EPRS1: variants seen among roughly 807,000 people sequenced by gnomAD.
The protein encoded by EPRS1 is bifunctional glutamate/proline--tRNA ligase.
A neutral mutation model predicts 188.3 loss-of-function variants in EPRS1; 107 were observed. That is an observed-to-expected ratio of 0.57 (90% CI 0.49 to 0.67). EPRS1 has a LOEUF of 0.67. Ranked by LOEUF, EPRS1 falls within the 30% of genes least tolerant of loss-of-function variation. The pLI is 0.00. For missense variants in EPRS1, 1,577 were observed against 1,802.2 expected, an observed-to-expected ratio of 0.88 and a Z score of 2.26; for synonymous variants, 596 against 593.1, an observed-to-expected ratio of 1.00 and a Z score of -0.07.
intron 8 of EPRS1, among the ~76,000 whole-genome samples, chr1:220,022,859 C>A (rs1277846040): frequency 6.6e-6 from 1 of 152,238 alleles, no homozygotes; most frequent in South Asian, 2.1e-4. Context: ...AACGGGCCAG[C>A]CCCTTCTCTT....
intron 18 of EPRS1, among the ~76,000 whole-genome samples, chr1:219,990,683 AG>A (rs1661102645): frequency 1.3e-5 from 2 of 152,208 alleles, no homozygotes; most frequent in Admixed American, 1.3e-4. Context: ...GTAACATGCT[AG>A]GAAAACTGCT....
intron 18 of EPRS1, 57 bp downstream of exon 18, chr1:219,996,926 A>G: frequency 6.7e-7 from 1 of 1,499,214 alleles, no homozygotes; most frequent in Non-Finnish European, 8.9e-7. Context: ...AGACTACTCT[A>G]AGCAGTTTGA....
chr1:219,972,649 G>A lies in EPRS1; in HGVS notation c.4245-502C>T, dbSNP rs556833508. 5.3e-5 allele frequency among the ~76,000 whole-genome samples: 8 copies of A among 152,206 alleles called. No individual in the cohort carries two copies. The East Asian group carries it at 1.4e-3, about 26-fold the overall frequency. ...CCAGGTAGGCAGAGAAAGAAAACAGGGTGCCACGCTAAGCCACTAATCTTC... is the reference window on the plus strand; with the variant it reads ...CCAGGTAGGCAGAGAAAGAAAACAGAGTGCCACGCTAAGCCACTAATCTTC... On this transcript the variant is annotated intron_variant, in intron 29 of 31. Coordinates refer to ENST00000366923, the MANE Select transcript of EPRS1 (RefSeq NM_004446.3).
chr1:219,998,336 G>C (rs965449066), intron 17 of EPRS1, among the ~76,000 whole-genome samples: 14 of 151,812 alleles, frequency 9.2e-5, no homozygotes, highest in African/African-American at 3.4e-4. Context: ...TTTTACACAG[G>C]CGTTAGGCTC....
chr1:219,990,445 G>C (rs80288496), intron 18 of EPRS1, among the ~76,000 whole-genome samples: 2,863 of 152,220 alleles, frequency 0.019, 77 homozygotes, highest in African/African-American at 0.058. Context: ...TATTTAGTCT[G>C]TGCCAGACAC....
At chr1:220,026,254 C>T (rs183219912) in intron 6 of EPRS1, among the ~76,000 whole-genome samples, 1 of 152,308 alleles carries the variant, frequency 6.6e-6, no homozygotes, top group East Asian at 1.9e-4. Context: ...CTCAATGAAT[C>T]AGAATCTACA....
intron 26 of EPRS1, 37 bp downstream of exon 26, chr1:219,980,048 T>C: frequency 6.3e-7 from 1 of 1,592,938 alleles, no homozygotes; most frequent in African/African-American, 1.3e-5. Context: ...GGACTGTGCT[T>C]ACAGTGACCT....
chr1:220,019,959 T>C, intron 10 of EPRS1, 29 bp downstream of exon 10: 1 of 1,474,568 alleles, frequency 6.8e-7, no homozygotes, highest in South Asian at 1.1e-5. Context: ...TCCTTACTTC[T>C]TGTCAATTCT....
At chr1:220,023,680 A>G (rs1042930273) in intron 8 of EPRS1, among the ~76,000 whole-genome samples, 5 of 152,262 alleles carry the variant, frequency 3.3e-5, no homozygotes, top group Non-Finnish European at 4.4e-5. Context: ...AAACTGTAAA[A>G]TGTTGCAGAA....
intron 18 of EPRS1, among the ~76,000 whole-genome samples, chr1:219,993,228 C>CAA (rs112928567): frequency 2.9e-5 from 4 of 139,882 alleles, no homozygotes; most frequent in African/African-American, 1.1e-4. Flanking sequence ...GACCCTGTCT[C>CAA]AAAAAAAAAA....
intron 1 of EPRS1, among the ~76,000 whole-genome samples, chr1:220,041,826 G>A (rs1662300545): frequency 6.6e-6 from 1 of 151,590 alleles, no homozygotes; most frequent in Admixed American, 6.6e-5. Context: ...GGCAACAAGA[G>A]TGAAATTCTG....
chr1:219,969,384 T>G (rs1571824696), intron 30 of EPRS1: 1 of 413,620 alleles, frequency 2.4e-6, no homozygotes, highest in East Asian at 4.2e-5. Flanking sequence ...CCCTCAAATC[T>G]CCCATAAACT....
intron 1 of EPRS1, among the ~76,000 whole-genome samples, chr1:220,042,306 A>T (rs971225004): frequency 1.3e-5 from 2 of 151,596 alleles, no homozygotes; most frequent in Admixed American, 6.6e-5. Flanking sequence ...AACATGGTGA[A>T]ACCCCATCTC....
intron 3 of EPRS1, among the ~76,000 whole-genome samples, chr1:220,034,068 T>A (rs1316808399): frequency 6.6e-6 from 1 of 152,130 alleles, no homozygotes; most frequent in African/African-American, 2.4e-5. Flanking sequence ...CTTTGAATTT[T>A]ATGAGATTTA....
intron 5 of EPRS1, among the ~76,000 whole-genome samples, chr1:220,030,948 T>C (rs149731855): frequency 0.012 from 1,823 of 152,048 alleles, 34 homozygotes; most frequent in African/African-American, 0.042. Flanking sequence ...AAAAATTAGC[T>C]GGGCCTGGCG....
rs115921160 is a variant in EPRS1, at chr1:219,992,768, A to G, written c.2542-3945T>C. ...TAAAACCCTGTCTCTACTAAAAACA[A>G]AATACAAAATTAGCCAGGTGTCGTG... On this transcript the variant is annotated intron_variant, in intron 18 of 31. Coordinates refer to ENST00000366923, the MANE Select transcript of EPRS1 (RefSeq NM_004446.3). Among the ~76,000 whole-genome samples the G allele has an allele frequency of 6.0e-3, 907 of 152,296 alleles. 13 individuals are homozygous for G. Among genetic ancestry groups the G allele is most frequent in the African/African-American group, 0.02 (849 of 41,570 alleles).
rs750868696 is a variant in EPRS1 at position 219,973,407 on chromosome 1, T to TA, written c.4084-10dup. ...AGTCTAATGGGAACTCCCTATAAGA[T>TA]AAAAAAGGCAGTTAAAATGATATAT... On this transcript the variant is annotated splice_polypyrimidine_tract_variant and intron_variant, in intron 28 of 31. Coordinates refer to ENST00000366923, the MANE Select transcript of EPRS1 (RefSeq NM_004446.3). 49 of 1,587,508 alleles carry TA rather than the reference T, an allele frequency of 3.1e-5. 1 individual carries two copies. Among genetic ancestry groups the TA allele is most frequent in the Non-Finnish European group, 3.9e-5 (46 of 1,166,114 alleles).
intron 10 of EPRS1, 136 bp from the exon 11 acceptor site, chr1:220,019,215 A>G (rs578033086): frequency 3.2e-6 from 2 of 634,016 alleles, no homozygotes; most frequent in South Asian, 3.8e-5. Context: ...CTAATTAGGT[A>G]GTATGCAATA....
chr1:219,969,744 A>G (rs1035505415), intron 30 of EPRS1, among the ~76,000 whole-genome samples: 2 of 152,012 alleles, frequency 1.3e-5, no homozygotes, highest in Non-Finnish European at 2.9e-5. Context: ...TAATTTTGAA[A>G]TTTGCCATGT....
Sources: gnomAD v4.1 joint callset for allele counts (sites outside exome capture counted in the v4.1 genomes callset) on GRCh38, gnomAD v4.1.1 for gene constraint, MANE v1.5 for transcripts, NCBI Gene and HGNC (gene_info 2026-07-23, HGNC 2026-07-21) for gene names.